The following REEP1 variants were observed in gnomAD, a reference collection of about 807,000 sequenced individuals.
The protein encoded by REEP1 is receptor expression-enhancing protein 1.
REEP1 carries 22 observed loss-of-function variants against 40.3 expected under a neutral mutation model. The ratio of observed to expected loss-of-function variants is 0.55; its 90% CI spans 0.39 to 0.78. The LOEUF is 0.78. REEP1 is among the 30% of genes least tolerant of loss of function. The pLI, the probability that REEP1 is intolerant of heterozygous loss-of-function variation, is 0.00. For missense variants in REEP1, 280 were observed against 361.1 expected (o/e 0.78, Z 1.82); for synonymous variants, 116 against 139.2 (o/e 0.83, Z 1.17).
rs1349778002 is a variant in REEP1 at position 86,337,428 on chromosome 2, CG to C, written c.32+50del. 5 of 1,149,084 alleles carry C rather than the reference CG, an allele frequency of 4.4e-6. No homozygotes were observed. Among genetic ancestry groups the C allele is most frequent in the South Asian group, 3.8e-5 (1 of 26,242 alleles). 71.2% of individuals were successfully genotyped at this position (1,149,084 alleles called of 1,614,324 possible). A position where few individuals can be genotyped will look rare whatever the true frequency, so the allele number is the denominator to read the frequency against. On this transcript the variant is annotated intron_variant, in intron 1 of 8. Coordinates refer to ENST00000538924, the MANE Select transcript of REEP1 (RefSeq NM_001371279.1). The surrounding 1 kb of genome is among the most constrained non-coding windows in gnomAD (Gnocchi z 5.8). ...TGTAGGGGCGCGCGCAGCCCGGGGCCGGGGGCGGGGAGGGAGGGGACGGAGG... is the reference window on the plus strand; with the variant it reads ...TGTAGGGGCGCGCGCAGCCCGGGGCCGGGGCGGGGAGGGAGGGGACGGAGG...
intron 1 of REEP1, among the ~76,000 whole-genome samples, chr2:86,301,078 T>A (rs1401499821): frequency 1.3e-5 from 2 of 152,170 alleles, no homozygotes; most frequent in Non-Finnish European, 2.9e-5. Context: ...TATGTTTGCG[T>A]AAAAAGTCAC....
chr2:86,337,651 C>A (rs1335317943), upstream of REEP1: 2 of 1,039,974 alleles, frequency 1.9e-6, no homozygotes, highest in Non-Finnish European at 2.3e-6. The surrounding 1 kb of genome is among the most constrained non-coding windows in gnomAD (Gnocchi z 5.8). Flanking sequence ...CCCTGCCCGG[C>A]GTTCGCGCGT....
At chr2:86,257,010 G>A (rs558586960) in intron 3 of REEP1, among the ~76,000 whole-genome samples, 1 of 152,154 alleles carries the variant, frequency 6.6e-6, no homozygotes, top group Non-Finnish European at 1.5e-5. Context: ...CTGGCCCCCT[G>A]CCTTCTGCCT....
At chr2:86,282,907 T>C (rs1678175820) in intron 1 of REEP1, among the ~76,000 whole-genome samples, 1 of 152,186 alleles carries the variant, frequency 6.6e-6, no homozygotes, top group South Asian at 2.1e-4. Context: ...TCTCAGGACC[T>C]GAACGGCAGA....
intron 2 of REEP1, among the ~76,000 whole-genome samples, chr2:86,277,709 G>A (rs752780605): frequency 8.5e-5 from 13 of 152,218 alleles, no homozygotes; most frequent in Non-Finnish European, 1.5e-4. Flanking sequence ...ACGGGAGCAT[G>A]AATTGGATGG....
intron 1 of REEP1, among the ~76,000 whole-genome samples, chr2:86,302,456 T>C (rs557254928): frequency 1.3e-5 from 2 of 152,200 alleles, no homozygotes; most frequent in South Asian, 2.1e-4. Flanking sequence ...GGGAGACAAT[T>C]TGGCATTATT....
At chr2:86,282,381 C>G in intron 1 of REEP1, 139 bp from the exon 2 acceptor site, 1 of 699,786 alleles carries the variant, frequency 1.4e-6, no homozygotes, top group Non-Finnish European at 2.6e-6. Flanking sequence ...TTATGAATGC[C>G]CTGAAGGTGT....
rs121918262 is a variant in REEP1, at chr2:86,282,216, G to A, written c.59C>T (p.Ala20Val). 5.6e-6 allele frequency: 9 copies of A among 1,608,982 alleles called. No individual in the cohort carries two copies. The highest frequency in any genetic ancestry group is 2.2e-5 in the East Asian group (1 of 44,842). Residue 20 changes from alanine (A) to valine (V), a missense_variant, in exon 2 of 9, where the codon GCG (alanine) becomes GTG (valine). By Grantham distance (64) the Ala-to-Val change is moderately conservative. This residue lies in a region of REEP1 where 68 missense variants were observed against 83.7 expected (regional missense o/e 0.81). Coordinates refer to ENST00000538924, the MANE Select transcript of REEP1 (RefSeq NM_001371279.1). ...VVLIFGTLYP[A>V]YYSYKAVKSK... ...TTTCACAGCCTTGTAGGAATAATAC[G>A]CAGGGTAAAGGGTGCCAAATATAAG...
chr2:86,230,167 C>T (rs563125580), intron 6 of REEP1, among the ~76,000 whole-genome samples: 2 of 152,228 alleles, frequency 1.3e-5, no homozygotes, highest in Non-Finnish European at 2.9e-5. Flanking sequence ...CACCTCTGCT[C>T]ATGGAGAGTG....
At chr2:86,248,669 C>A (rs1248726703) in intron 5 of REEP1, among the ~76,000 whole-genome samples, 1 of 152,106 alleles carries the variant, frequency 6.6e-6, no homozygotes, top group Admixed American at 6.6e-5. Context: ...AAGCTGGTCT[C>A]TAACTCCTGA....
At chr2:86,315,158 G>C (rs756556482) in intron 1 of REEP1, among the ~76,000 whole-genome samples, 2 of 152,124 alleles carry the variant, frequency 1.3e-5, no homozygotes, top group East Asian at 3.9e-4. Context: ...GTAGAAGATG[G>C]GATGGTATGA....
At chr2:86,242,071 T>C (rs1675693489) in intron 5 of REEP1, among the ~76,000 whole-genome samples, 1 of 152,114 alleles carries the variant, frequency 6.6e-6, no homozygotes, top group South Asian at 2.1e-4. Context: ...GAGAAGATCA[T>C]AATCAGCCTG....
rs191536434 is a variant in REEP1 at position 86,326,126 on chromosome 2, C to A, written c.32+11353G>T. ...AAATATCCACCCAATGGAAACAGCACTGGGCAGGCAGAGGGACACTTGAAT... is the reference window on the plus strand; with the variant it reads ...AAATATCCACCCAATGGAAACAGCAATGGGCAGGCAGAGGGACACTTGAAT... On this transcript the variant is annotated intron_variant, in intron 1 of 8. Coordinates refer to ENST00000538924, the MANE Select transcript of REEP1 (RefSeq NM_001371279.1). Among the ~76,000 whole-genome samples, 2 of 152,340 alleles carry A rather than the reference C, an allele frequency of 1.3e-5. 1 individual carries two copies. The highest frequency in any genetic ancestry group is 3.9e-4 in the East Asian group (2 of 5,190).
intron 5 of REEP1, among the ~76,000 whole-genome samples, chr2:86,240,409 C>T (rs978869427): frequency 6.6e-6 from 1 of 152,240 alleles, no homozygotes; most frequent in Admixed American, 6.5e-5. Flanking sequence ...CGTGGCTGAG[C>T]ACGTGCAGAG....
At chr2:86,325,229 T>C (rs977951291) in intron 1 of REEP1, among the ~76,000 whole-genome samples, 7 of 152,258 alleles carry the variant, frequency 4.6e-5, no homozygotes, top group South Asian at 4.2e-4. Flanking sequence ...ATCTGGGCAA[T>C]AGAGTGAGAT....
chr2:86,258,011 C>G (rs4832262), intron 3 of REEP1, among the ~76,000 whole-genome samples: 63,691 of 152,076 alleles, frequency 0.42, 14,822 homozygotes, highest in East Asian at 0.65. Context: ...ATGATCTTTA[C>G]CTACTTCAGC....
chr2:86,333,720 T>C (rs942524089), intron 1 of REEP1, among the ~76,000 whole-genome samples: 5 of 152,180 alleles, frequency 3.3e-5, no homozygotes, highest in Non-Finnish European at 7.3e-5. Context: ...AAAAACATGC[T>C]CTCCCCAGTT....
At chr2:86,288,667 TCC>T (rs1678538539) in intron 1 of REEP1, among the ~76,000 whole-genome samples, 1 of 152,216 alleles carries the variant, frequency 6.6e-6, no homozygotes. Context: ...TACAGCATCT[TCC>T]ACCAGATAAT....
In REEP1 at chr2:86,215,545, A is replaced by ATAT. The variant is rs1446409044; in HGVS notation, c.*1491_*1493dup. The ATAT allele has an allele frequency of 6.6e-6, 1 of 152,608 alleles. No homozygotes were observed. The highest frequency in any genetic ancestry group is 2.4e-5 in the African/African-American group (1 of 41,430). The allele number at this position is 152,608 out of a possible 1,614,324, so 9.5% of individuals were successfully genotyped here. A position where few individuals can be genotyped will look rare whatever the true frequency, so the allele number is the denominator to read the frequency against. ...ATATCTACGAACAAATACAATCCAAATATTATGAGTAACTGGGTTGTGACC... is the reference window on the plus strand; with the variant it reads ...ATATCTACGAACAAATACAATCCAAATATTATTATGAGTAACTGGGTTGTGACC... On this transcript the variant is annotated 3_prime_UTR_variant, in exon 9 of 9. Coordinates refer to ENST00000538924, the MANE Select transcript of REEP1 (RefSeq NM_001371279.1).
Sources: gnomAD v4.1 joint callset for allele counts (sites outside exome capture counted in the v4.1 genomes callset) on GRCh38, gnomAD v4.1.1 for gene constraint, gnomAD v4.1.1 regional missense constraint, Gnocchi (gnomAD v3.1) non-coding constraint, MANE v1.5 for transcripts, NCBI Gene and HGNC (gene_info 2026-07-23, HGNC 2026-07-21) for gene names.